Variants in MEP1A observed in about 807,000 individuals in gnomAD.
MEP1A encodes meprin A subunit alpha.
MEP1A carries 68 observed loss-of-function variants against 84.5 expected under a neutral mutation model. That is an observed-to-expected ratio of 0.80 (90% CI 0.66 to 0.98). The LOEUF (loss-of-function observed/expected upper bound fraction) is 0.98. Ranked by LOEUF, MEP1A falls within the 50% of genes least tolerant of loss-of-function variation. The pLI is 0.00. For synonymous variants in MEP1A, 337 were observed against 336.8 expected, an observed-to-expected ratio of 1.00 and a Z score of -0.01; for missense variants, 887 against 919.9, an observed-to-expected ratio of 0.96 and a Z score of 0.46.
intron 3 of MEP1A, among the ~76,000 whole-genome samples, chr6:46,795,395 G>T (rs1005563480): frequency 6.6e-6 from 1 of 152,008 alleles, no homozygotes; most frequent in Admixed American, 6.6e-5. Context: ...CCGCCTCCTG[G>T]GTTCAAGCGA....
downstream of MEP1A, among the ~76,000 whole-genome samples, chr6:46,841,680 C>G (rs1463753937): frequency 6.6e-6 from 1 of 152,176 alleles, no homozygotes; most frequent in East Asian, 1.9e-4. Context: ...CCCACCATAT[C>G]CTCGATACAT....
chr6:46,813,536 G>T (rs949205898), intron 6 of MEP1A, among the ~76,000 whole-genome samples: 1 of 151,898 alleles, frequency 6.6e-6, no homozygotes, highest in Non-Finnish European at 1.5e-5. Flanking sequence ...AGAATTTAGG[G>T]CATTTACATT....
chr6:46,802,361 T>G (rs114661713), intron 5 of MEP1A, among the ~76,000 whole-genome samples: 6,044 of 151,956 alleles, frequency 0.04, 155 homozygotes, highest in Non-Finnish European at 0.06. Context: ...TTTAAAAAAT[T>G]TTACTACATA....
chr6:46,805,005 G>A (rs530962561), intron 5 of MEP1A, among the ~76,000 whole-genome samples: 16 of 151,792 alleles, frequency 1.1e-4, no homozygotes, highest in East Asian at 1.9e-4. Context: ...ATGTTGCTGC[G>A]TTTATAAGCA....
chr6:46,809,409 G>T lies in MEP1A; in HGVS notation c.263-11G>T. ...AATAATGCTCATTGATATTTTTACTGATTTCTGCAGGGCTGAATGCTAAAG... is the reference window on the plus strand; with the variant it reads ...AATAATGCTCATTGATATTTTTACTTATTTCTGCAGGGCTGAATGCTAAAG... On this transcript the variant is annotated splice_polypyrimidine_tract_variant and intron_variant, in intron 5 of 13. Coordinates refer to ENST00000230588, the MANE Select transcript of MEP1A (RefSeq NM_005588.3). 1 of 1,545,374 alleles carries T rather than the reference G, an allele frequency of 6.5e-7. No individual in the cohort carries two copies. Among genetic ancestry groups the T allele is most frequent in the African/African-American group, 1.4e-5 (1 of 73,104 alleles).
At chr6:46,839,987 A>G (rs560660753), downstream of MEP1A, among the ~76,000 whole-genome samples, 1 of 152,116 alleles carries the variant, frequency 6.6e-6, no homozygotes, top group African/African-American at 2.4e-5. Flanking sequence ...ATAGTTCCTA[A>G]GGAGATAAAC....
chr6:46,824,084 G>T (rs181361996), intron 7 of MEP1A, among the ~76,000 whole-genome samples: 143 of 152,216 alleles, frequency 9.4e-4, no homozygotes, highest in African/African-American at 3.3e-3. Context: ...TGAAGAGTAG[G>T]CCAGGTACAG....
chr6:46,806,109 A>T (rs1421374), intron 5 of MEP1A, among the ~76,000 whole-genome samples: 102,064 of 151,814 alleles, frequency 0.67, 34,840 homozygotes, highest in African/African-American at 0.77. Context: ...GTTCATCTTT[A>T]TTCCATTAAA....
intron 7 of MEP1A, among the ~76,000 whole-genome samples, chr6:46,823,942 C>T (rs1767840110): frequency 6.6e-6 from 1 of 151,998 alleles, no homozygotes; most frequent in South Asian, 2.1e-4. Context: ...TTTCTTCTTC[C>T]TATTTTATTT....
chr6:46,813,034 TTGA>T (rs1767542627), intron 6 of MEP1A, among the ~76,000 whole-genome samples: 2 of 152,238 alleles, frequency 1.3e-5, no homozygotes, highest in South Asian at 4.1e-4. Flanking sequence ...ACTTTCTGTC[TTGA>T]TGACCTGTCT....
intron 5 of MEP1A, among the ~76,000 whole-genome samples, chr6:46,804,863 A>G (rs1439908123): frequency 1.3e-5 from 2 of 151,688 alleles, no homozygotes; most frequent in Non-Finnish European, 3.0e-5. Context: ...AGAAGGTGCT[A>G]TTCTATTTTT....
At chr6:46,799,717 T>C (rs1202877031) in intron 5 of MEP1A, among the ~76,000 whole-genome samples, 1 of 152,184 alleles carries the variant, frequency 6.6e-6, no homozygotes, top group Non-Finnish European at 1.5e-5. Flanking sequence ...TTAGAAATAA[T>C]GACTAGTAGA....
intron 4 of MEP1A, 110 bp downstream of exon 4, chr6:46,798,756 G>C: frequency 5.6e-6 from 5 of 890,942 alleles, no homozygotes; most frequent in Non-Finnish European, 9.2e-6. Context: ...GGAGATGAGA[G>C]AAATCTCATC....
At chr6:46,807,172 A>G (rs1333994778) in intron 5 of MEP1A, among the ~76,000 whole-genome samples, 3 of 151,082 alleles carry the variant, frequency 2.0e-5, no homozygotes, top group Admixed American at 6.6e-5. Context: ...TTCTCAAAAG[A>G]AAAAAAAAGA....
intron 6 of MEP1A, among the ~76,000 whole-genome samples, chr6:46,809,799 GGT>G (rs757563081): frequency 2.0e-5 from 3 of 149,826 alleles, no homozygotes; most frequent in Non-Finnish European, 4.5e-5. Context: ...AGTAATACAT[GGT>G]GTGTGTGTGT....
At chr6:46,812,609 G>T (rs1767532722) in intron 6 of MEP1A, among the ~76,000 whole-genome samples, 1 of 151,894 alleles carries the variant, frequency 6.6e-6, no homozygotes, top group Non-Finnish European at 1.5e-5. Context: ...TTAATTCTAT[G>T]AACTTTCCTC....
intron 3 of MEP1A, among the ~76,000 whole-genome samples, chr6:46,797,931 TTTCCTTCCTTCC>T (rs70996387): frequency 0.032 from 1,577 of 49,472 alleles, 77 homozygotes; most frequent in South Asian, 0.093. Context: ...TCCTTCCTTC[TTTCCTTCCTTCC>T]TTCCTTCCTT....
chr6:46,838,949 C>A, intron 13 of MEP1A, 31 bp from the exon 14 acceptor site: 1 of 1,589,928 alleles, frequency 6.3e-7, no homozygotes, highest in South Asian at 1.1e-5. Context: ...CTGGGTAGTT[C>A]CCACACTCCC....
intron 5 of MEP1A, among the ~76,000 whole-genome samples, chr6:46,802,120 C>G (rs938869466): frequency 2.6e-5 from 4 of 151,848 alleles, no homozygotes; most frequent in South Asian, 2.1e-4. Flanking sequence ...CTCTAAAAAG[C>G]CTGCTGGGAT....
Sources: allele counts gnomAD v4.1 joint callset (sites outside exome capture counted in the v4.1 genomes callset), GRCh38; gene constraint gnomAD v4.1.1; transcripts MANE v1.5; gene names NCBI Gene and HGNC (gene_info 2026-07-23, HGNC 2026-07-21).